The following MTF2 variants were observed in gnomAD, a reference collection of about 807,000 sequenced individuals.
The protein encoded by MTF2 is metal response element binding transcription factor 2.
Under a neutral mutation model 79.5 loss-of-function variants are expected in MTF2, and 11 were observed. That is an observed-to-expected ratio of 0.14 (90% CI 0.09 to 0.23). The LOEUF (loss-of-function observed/expected upper bound fraction) is 0.23, where lower values mean the gene tolerates loss of function less well. MTF2 is among the 10% of genes least tolerant of loss of function. The pLI, the probability that MTF2 is intolerant of heterozygous loss-of-function variation, is 1.00. For synonymous variants in MTF2, 208 were observed against 232.8 expected (o/e 0.89, Z 0.97); for missense variants, 486 against 711.2 (o/e 0.68, Z 3.60).
chr1:93,085,449 TTACA>T (rs1654796402), intron 1 of MTF2, among the ~76,000 whole-genome samples: 1 of 150,176 alleles, frequency 6.7e-6, no homozygotes, highest in African/African-American at 2.4e-5. Context: ...AGTGCTGGGA[TTACA>T]GGCGTGAGCC....
At chr1:93,131,626 A>G (rs1656920112) in intron 11 of MTF2, among the ~76,000 whole-genome samples, 1 of 152,190 alleles carries the variant, frequency 6.6e-6, no homozygotes, top group Non-Finnish European at 1.5e-5. Context: ...AAGCTTTCCT[A>G]TGTAGGGAGG....
At chr1:93,084,032 A>C (rs546649008) in intron 1 of MTF2, among the ~76,000 whole-genome samples, 31 of 152,108 alleles carry the variant, frequency 2.0e-4, no homozygotes, top group Non-Finnish European at 3.5e-4. Flanking sequence ...TTTAAGCACA[A>C]ATATTCTTAA....
chr1:93,127,564 A>G (rs1656748704), intron 10 of MTF2, among the ~76,000 whole-genome samples: 1 of 152,202 alleles, frequency 6.6e-6, no homozygotes, highest in African/African-American at 2.4e-5. Flanking sequence ...TTGAAAAAGC[A>G]TATTCAGTAA....
At chr1:93,114,095 T>C (rs1656151553) in intron 3 of MTF2, among the ~76,000 whole-genome samples, 2 of 152,188 alleles carry the variant, frequency 1.3e-5, no homozygotes. Flanking sequence ...CCCCAAATTT[T>C]GTTGAAATGA....
chr1:93,115,208 G>T, intron 5 of MTF2, 120 bp downstream of exon 5: 1 of 772,000 alleles, frequency 1.3e-6, no homozygotes, highest in Non-Finnish European at 2.0e-6. Context: ...TGGGTAGAAA[G>T]AGGTGCTATT....
At chr1:93,125,262 G>C (rs534320883) in intron 9 of MTF2, among the ~76,000 whole-genome samples, 1 of 146,278 alleles carries the variant, frequency 6.8e-6, no homozygotes, top group Non-Finnish European at 1.5e-5. Flanking sequence ...TATACCCTTG[G>C]TTTCTTTTTT....
At chr1:93,083,269 T>C (rs1181334974) in intron 1 of MTF2, among the ~76,000 whole-genome samples, 1 of 152,190 alleles carries the variant, frequency 6.6e-6, no homozygotes, top group Non-Finnish European at 1.5e-5. Flanking sequence ...GATCTAGTCA[T>C]TTCCCACCAG....
At chr1:93,120,947 A>G (rs1656451391) in intron 9 of MTF2, 1 of 1,120,122 alleles carries the variant, frequency 8.9e-7, no homozygotes, top group Admixed American at 5.6e-5. Context: ...GTAGTTAAAG[A>G]TAGAAGGGAG....
chr1:93,129,673 A>C, intron 11 of MTF2, among the ~76,000 whole-genome samples: 1 of 149,244 alleles, frequency 6.7e-6, no homozygotes, highest in East Asian at 2.0e-4. Context: ...AATAGACTCT[A>C]TTGATTTTGT....
intron 1 of MTF2, among the ~76,000 whole-genome samples, chr1:93,091,965 A>T (rs779470391): frequency 2.5e-4 from 38 of 152,188 alleles, no homozygotes; most frequent in Non-Finnish European, 4.4e-4. Context: ...AAAAAGCCCC[A>T]CAGTTTACCT....
At chr1:93,126,571 A>AG (rs1436357481) in intron 9 of MTF2, among the ~76,000 whole-genome samples, 1 of 151,972 alleles carries the variant, frequency 6.6e-6, no homozygotes, top group Non-Finnish European at 1.5e-5. Context: ...AGTCAAGAAG[A>AG]GGCAGAAAGG....
intron 3 of MTF2, among the ~76,000 whole-genome samples, chr1:93,112,945 G>A (rs1328554541): frequency 6.6e-6 from 1 of 152,166 alleles, no homozygotes; most frequent in Non-Finnish European, 1.5e-5. Context: ...GTCAGGTCAG[G>A]CACCTCCCCT....
intron 1 of MTF2, among the ~76,000 whole-genome samples, chr1:93,096,365 A>G (rs1416069700): frequency 6.6e-6 from 1 of 152,144 alleles, no homozygotes; most frequent in Non-Finnish European, 1.5e-5. Flanking sequence ...AATATGTTAC[A>G]ACTTCCAAGT....
At chr1:93,107,902 T>C (rs1446550823) in intron 1 of MTF2, among the ~76,000 whole-genome samples, 1 of 152,134 alleles carries the variant, frequency 6.6e-6, no homozygotes, top group African/African-American at 2.4e-5. Context: ...CACCCCAGAC[T>C]CCTGAGTAGC....
chr1:93,130,951 A>ACG (rs1161721027), intron 11 of MTF2, among the ~76,000 whole-genome samples: 10 of 151,712 alleles, frequency 6.6e-5, no homozygotes, highest in African/African-American at 1.9e-4. Flanking sequence ...GGACAAACAC[A>ACG]CACACACACA....
intron 14 of MTF2, 59 bp from the exon 15 acceptor site, chr1:93,136,611 T>G: frequency 7.5e-7 from 1 of 1,331,504 alleles, no homozygotes; most frequent in Non-Finnish European, 1.0e-6. Context: ...GAACATATTG[T>G]ATGGGCATAG....
intron 1 of MTF2, among the ~76,000 whole-genome samples, chr1:93,105,122 T>C (rs1470045409): frequency 6.7e-4 from 80 of 119,888 alleles, no homozygotes; most frequent in Middle Eastern, 8.2e-3. Context: ...CCAGCCTGGG[T>C]GACAGAGCGA....
intron 5 of MTF2, 146 bp from the exon 6 acceptor site, chr1:93,115,324 G>C: frequency 5.6e-6 from 4 of 715,050 alleles, no homozygotes; most frequent in Non-Finnish European, 6.6e-6. Flanking sequence ...AAGAAAAATA[G>C]AGATTATTAT....
chr1:93,081,461 A>G (rs1230161961), intron 1 of MTF2, among the ~76,000 whole-genome samples: 2 of 152,218 alleles, frequency 1.3e-5, no homozygotes, highest in East Asian at 3.8e-4. Flanking sequence ...GCCATGACCA[A>G]CATCTGTAGC....
Sources: allele counts gnomAD v4.1 joint callset (sites outside exome capture counted in the v4.1 genomes callset), GRCh38; gene constraint gnomAD v4.1.1; transcripts MANE v1.5; gene names NCBI Gene and HGNC (gene_info 2026-07-23, HGNC 2026-07-21).